Variants in CACNA1C observed in about 807,000 individuals in gnomAD.
The protein encoded by CACNA1C is calcium voltage-gated channel subunit alpha1 C, also known as voltage-dependent L-type calcium channel subunit alpha-1C.
Under a neutral mutation model 229.0 loss-of-function variants are expected in CACNA1C, and 30 were observed. The ratio of observed to expected loss-of-function variants is 0.13; its 90% CI spans 0.10 to 0.18. The LOEUF (loss-of-function observed/expected upper bound fraction) is 0.18, where lower values mean the gene tolerates loss of function less well. CACNA1C is among the 10% of genes least tolerant of loss of function. The pLI is 1.00. For missense variants in CACNA1C, 1,658 were observed against 2,845.0 expected, an observed-to-expected ratio of 0.58 and a Z score of 9.49; for synonymous variants, 1,114 against 1,132.5, an observed-to-expected ratio of 0.98 and a Z score of 0.33.
chr12:2,376,417 G>A (rs972275421), intron 3 of CACNA1C, among the ~76,000 whole-genome samples: 3 of 152,150 alleles, frequency 2.0e-5, no homozygotes, highest in East Asian at 1.9e-4. Context: ...AAATAGCACC[G>A]AGATGGTGTC....
At chr12:2,587,167 T>C (rs142765214) in intron 18 of CACNA1C, among the ~76,000 whole-genome samples, 354 of 151,712 alleles carry the variant, frequency 2.3e-3, no homozygotes, top group African/African-American at 8.4e-3. Context: ...ATGGCCAGAG[T>C]CTAAATGTTT....
rs140604063 is a variant in CACNA1C at position 2,136,956 on chromosome 12, G to C, written c.477+16526G>C. ...CTCGTGGACTGAGTCCTTGGAAGCA[G>C]ATCTTGGGAGCTGCTGGGCCTGCAT... is the stretch of plus-strand genomic sequence containing the variant. On this transcript the variant is annotated intron_variant, in intron 3 of 46. Coordinates refer to ENST00000399655, the MANE Select transcript of CACNA1C (RefSeq NM_000719.7). Among the ~76,000 whole-genome samples, 12 of 151,488 alleles carry C rather than the reference G, an allele frequency of 7.9e-5. No homozygotes were observed. In the East Asian group the frequency reaches 1.7e-3, roughly 22 times the overall value.
At chr12:2,432,533 A>G (rs902884042) in intron 3 of CACNA1C, among the ~76,000 whole-genome samples, 3 of 151,798 alleles carry the variant, frequency 2.0e-5, no homozygotes, top group Admixed American at 6.6e-5. Context: ...CACCTGCCCC[A>G]CTCTCTTGCT....
At chr12:2,300,348 G>C (rs902754569) in intron 3 of CACNA1C, among the ~76,000 whole-genome samples, 10 of 151,986 alleles carry the variant, frequency 6.6e-5, no homozygotes, top group African/African-American at 2.4e-4. Context: ...GGGCACGGCG[G>C]GCGGCTCATG....
At chr12:2,362,949 A>G (rs1333917927) in intron 3 of CACNA1C, among the ~76,000 whole-genome samples, 1 of 152,192 alleles carries the variant, frequency 6.6e-6, no homozygotes, top group East Asian at 1.9e-4. Flanking sequence ...AAATCTCTAC[A>G]TAAAAGAAGT....
At chr12:2,144,861 A>T (rs753817462) in intron 3 of CACNA1C, among the ~76,000 whole-genome samples, 1 of 151,286 alleles carries the variant, frequency 6.6e-6, no homozygotes, top group African/African-American at 2.4e-5. Context: ...AGGAGGACCT[A>T]CAAATCTTCA....
intron 3 of CACNA1C, among the ~76,000 whole-genome samples, chr12:2,191,864 G>A (rs928491868): frequency 4.5e-5 from 3 of 67,082 alleles, no homozygotes; most frequent in African/African-American, 1.3e-4. Flanking sequence ...ACATGTACTC[G>A]CATACACAGG....
intron 29 of CACNA1C, among the ~76,000 whole-genome samples, chr12:2,616,232 A>C (rs1161253062): frequency 6.6e-6 from 1 of 152,120 alleles, no homozygotes; most frequent in East Asian, 1.9e-4. Flanking sequence ...AAACCTCGGG[A>C]GGCCTGGCCC....
intron 9 of CACNA1C, among the ~76,000 whole-genome samples, chr12:2,514,503 C>G (rs535798619): frequency 6.6e-6 from 1 of 152,278 alleles, no homozygotes; most frequent in South Asian, 2.1e-4. Flanking sequence ...CTGACACCTT[C>G]TATTACACTG....
In CACNA1C at chr12:2,677,306, G is replaced by A; in HGVS notation, c.4956+85G>A. The A allele has an allele frequency of 1.4e-6, 2 of 1,465,118 alleles. No homozygotes were observed. Among genetic ancestry groups the A allele is most frequent in the Non-Finnish European group, 1.9e-6 (2 of 1,079,812 alleles). 90.8% of individuals were successfully genotyped at this position (1,465,118 alleles called of 1,614,324 possible). A position where few individuals can be genotyped will look rare whatever the true frequency, so the allele number is the denominator to read the frequency against. On this transcript the variant is annotated intron_variant, in intron 40 of 46. Coordinates refer to ENST00000399655, the MANE Select transcript of CACNA1C (RefSeq NM_000719.7). This position sits in a 1 kb window ranked among gnomAD's most constrained non-coding sequence, Gnocchi z 7.4. ...CAGTCAGGGTCCCGGTCCCTCCCCA[G>A]CAGGCTGGAGGCCAGGTCCCTGCAG...
intron 3 of CACNA1C, among the ~76,000 whole-genome samples, chr12:2,208,558 A>G (rs1191982906): frequency 1.3e-5 from 2 of 152,122 alleles, no homozygotes; most frequent in African/African-American, 4.8e-5. Context: ...TATGCAGTGC[A>G]TTGGAGGGAA....
intron 3 of CACNA1C, among the ~76,000 whole-genome samples, chr12:2,155,383 G>C (rs2095505675): frequency 6.6e-6 from 1 of 151,916 alleles, no homozygotes; most frequent in Admixed American, 6.6e-5. Context: ...CTTTGCTTGG[G>C]CTTCAGTTTC....
chr12:2,498,002 C>CACACACA (rs1491106908), intron 7 of CACNA1C, among the ~76,000 whole-genome samples: 8 of 149,930 alleles, frequency 5.3e-5, no homozygotes, highest in East Asian at 3.9e-4. Context: ...CACACACACA[C>CACACACA]AACAGCTATT....
chr12:2,659,088 T>G (rs1271845584), intron 34 of CACNA1C, among the ~76,000 whole-genome samples: 2 of 152,162 alleles, frequency 1.3e-5, no homozygotes, highest in African/African-American at 4.8e-5. Flanking sequence ...TTTATAGTGT[T>G]TCTAGTCTCC....
At chr12:2,124,366 A>G (rs566998706) in intron 3 of CACNA1C, among the ~76,000 whole-genome samples, 10 of 152,140 alleles carry the variant, frequency 6.6e-5, no homozygotes, top group Admixed American at 1.3e-4. Context: ...AGGATGCCAT[A>G]AGAGATACTT....
rs1219316669 is a variant in CACNA1C, at chr12:2,159,662, C to T, written c.477+39232C>T. Reference sequence around the variant, plus strand: ...TCTCATTGCCCAGGCTGGAGTGCAACGGCATAATCTCGGCTCACTGCAACC... The same window carrying T: ...TCTCATTGCCCAGGCTGGAGTGCAATGGCATAATCTCGGCTCACTGCAACC... On this transcript the variant is annotated intron_variant, in intron 3 of 46. Coordinates refer to ENST00000399655, the MANE Select transcript of CACNA1C (RefSeq NM_000719.7). 2.0e-4 allele frequency among the ~76,000 whole-genome samples: 29 copies of T among 146,848 alleles called. 1 individual carries two copies. The highest frequency in any genetic ancestry group is 2.8e-4 in the Admixed American group (4 of 14,388).
At chr12:2,456,242 T>A (rs575381562) in intron 4 of CACNA1C, among the ~76,000 whole-genome samples, 1 of 152,360 alleles carries the variant, frequency 6.6e-6, no homozygotes, top group Admixed American at 6.5e-5. Flanking sequence ...AAGGTAAATC[T>A]GGTATCTAAC....
At chr12:1,992,098 T>A in intron 1 of CACNA1C, 1 of 346,638 alleles carries the variant, frequency 2.9e-6, no homozygotes. Context: ...AAGTCTTTAG[T>A]AATAAACTAC....
chr12:2,037,557 T>C (rs529200977), intron 1 of CACNA1C, among the ~76,000 whole-genome samples: 1 of 152,308 alleles, frequency 6.6e-6, no homozygotes, highest in African/African-American at 2.4e-5. Context: ...CCAACTCAGA[T>C]GCAAGTCTCC....
Sources: allele counts gnomAD v4.1 joint callset (sites outside exome capture counted in the v4.1 genomes callset), GRCh38; gene constraint gnomAD v4.1.1; non-coding constraint Gnocchi (gnomAD v3.1); transcripts MANE v1.5; gene names NCBI Gene and HGNC (gene_info 2026-07-23, HGNC 2026-07-21).